LARGE1: variants seen among roughly 807,000 people sequenced by gnomAD.
LARGE1 encodes the protein xylosyl- and glucuronyltransferase LARGE1.
Under a neutral mutation model 87.6 loss-of-function variants are expected in LARGE1, and 43 were observed. That is an observed-to-expected ratio of 0.49 (90% CI 0.38 to 0.63). The LOEUF is 0.63. Among genes scored for constraint, LARGE1 ranks in the 30% least tolerant of loss-of-function variants. The pLI, the probability that LARGE1 is intolerant of heterozygous loss-of-function variation, is 0.00. For missense variants in LARGE1, 802 were observed against 1,000.2 expected (o/e 0.80, Z 2.67); for synonymous variants, 434 against 394.6 (o/e 1.10, Z -1.18).
At chr22:33,481,009 C>A (rs116362742) in intron 6 of LARGE1, among the ~76,000 whole-genome samples, 1,941 of 151,752 alleles carry the variant, frequency 0.013, 34 homozygotes, top group African/African-American at 0.045. Flanking sequence ...TCAAAATTTC[C>A]TCATCATAAA....
chr22:33,339,154 T>TAAAAA (rs1182760420), intron 9 of LARGE1, among the ~76,000 whole-genome samples: 2 of 98,994 alleles, frequency 2.0e-5, no homozygotes, highest in African/African-American at 3.4e-5. Flanking sequence ...TCTCAAAAAA[T>TAAAAA]AAAAAAAAAA....
At chr22:33,784,599 TA>T (rs745751312) in intron 1 of LARGE1, among the ~76,000 whole-genome samples, 4 of 152,168 alleles carry the variant, frequency 2.6e-5, no homozygotes, top group Non-Finnish European at 5.9e-5. Context: ...GCAAGATCAA[TA>T]ATGTATTGAA....
At chr22:33,875,494 A>C (rs1053153509) in intron 1 of LARGE1, among the ~76,000 whole-genome samples, 1 of 152,088 alleles carries the variant, frequency 6.6e-6, no homozygotes, top group South Asian at 2.1e-4. Flanking sequence ...GCCCATCTCC[A>C]ACCATGCCAA....
At chr22:33,381,140 G>T (rs2065142120) in intron 9 of LARGE1, among the ~76,000 whole-genome samples, 1 of 152,130 alleles carries the variant, frequency 6.6e-6, no homozygotes. Flanking sequence ...CATCTAAGTT[G>T]CCCCAGTCAC....
chr22:33,617,267 G>C (rs1238256135), intron 4 of LARGE1, among the ~76,000 whole-genome samples: 1 of 152,192 alleles, frequency 6.6e-6, no homozygotes, highest in African/African-American at 2.4e-5. Flanking sequence ...CTTTATATGC[G>C]TGACTTCTGA....
chr22:33,171,947 CA>C (rs1473832590), intron 11 of LARGE1, among the ~76,000 whole-genome samples: 1 of 152,226 alleles, frequency 6.6e-6, no homozygotes, highest in Admixed American at 6.5e-5. Context: ...ACACCACAGG[CA>C]CTCAATGCCA....
intron 1 of LARGE1, among the ~76,000 whole-genome samples, chr22:33,770,253 T>A (rs1216221437): frequency 6.6e-6 from 1 of 152,260 alleles, no homozygotes; most frequent in Non-Finnish European, 1.5e-5. Context: ...TCAGATCATT[T>A]GTTTGAAGAT....
rs369006581 is a variant in LARGE1, at chr22:33,335,127, G to A, written c.1287+2519C>T. On this transcript the variant is annotated intron_variant, in intron 10 of 14. Coordinates refer to ENST00000397394, the MANE Select transcript of LARGE1 (RefSeq NM_133642.5). ...TTCTCCATGGAGGGGGGAAATAAACGAGGTAGGAGAACAGTTTCCATTTAA... is the reference window on the plus strand; with the variant it reads ...TTCTCCATGGAGGGGGGAAATAAACAAGGTAGGAGAACAGTTTCCATTTAA... Among the ~76,000 whole-genome samples the A allele has an allele frequency of 3.8e-4, 58 of 152,338 alleles. No individual in the cohort carries two copies. The South Asian group carries it at 4.8e-3, about 13-fold the overall frequency.
chr22:33,694,603 T>C (rs2082188926), intron 2 of LARGE1, among the ~76,000 whole-genome samples: 1 of 152,222 alleles, frequency 6.6e-6, no homozygotes, highest in Admixed American at 6.5e-5. Flanking sequence ...CATCTTCAAC[T>C]TTTTGGCCAC....
At chr22:33,677,586 C>G (rs997859681) in intron 2 of LARGE1, among the ~76,000 whole-genome samples, 1 of 152,226 alleles carries the variant, frequency 6.6e-6, no homozygotes, top group South Asian at 2.1e-4. Context: ...CCACCATGGC[C>G]CTCAGTCAGA....
chr22:33,776,586 C>T (rs1303902651), intron 1 of LARGE1, among the ~76,000 whole-genome samples: 2 of 152,126 alleles, frequency 1.3e-5, no homozygotes, highest in African/African-American at 2.4e-5. Flanking sequence ...TGGAGTATTT[C>T]GATCTTTGTT....
At chr22:33,707,260 C>A (rs1457692554) in intron 2 of LARGE1, among the ~76,000 whole-genome samples, 3 of 152,232 alleles carry the variant, frequency 2.0e-5, no homozygotes, top group Non-Finnish European at 4.4e-5. Flanking sequence ...GCCACACCTG[C>A]CCCCTGGCAC....
chr22:33,438,729 G>A (rs948311530), intron 6 of LARGE1, among the ~76,000 whole-genome samples: 2 of 152,182 alleles, frequency 1.3e-5, no homozygotes, highest in Admixed American at 6.5e-5. Context: ...CGTCCATTGG[G>A]TATAAAGAAG....
At chr22:33,845,792 C>T (rs2063412673) in intron 1 of LARGE1, among the ~76,000 whole-genome samples, 1 of 152,216 alleles carries the variant, frequency 6.6e-6, no homozygotes, top group African/African-American at 2.4e-5. Context: ...TCCTCTCTAA[C>T]CTACTCATTC....
intron 1 of LARGE1, among the ~76,000 whole-genome samples, chr22:33,905,009 C>T (rs2065399572): frequency 6.7e-6 from 1 of 148,458 alleles, no homozygotes; most frequent in Non-Finnish European, 1.5e-5. Context: ...CTCCAAACTT[C>T]AGTATCTGAG....
At chr22:33,654,978 G>A (rs2080921085) in intron 2 of LARGE1, among the ~76,000 whole-genome samples, 1 of 152,186 alleles carries the variant, frequency 6.6e-6, no homozygotes, top group African/African-American at 2.4e-5. Flanking sequence ...CGTTAATCAA[G>A]ACTATTGATC....
chr22:33,749,341 C>T (rs1278171332), intron 2 of LARGE1, among the ~76,000 whole-genome samples: 1 of 152,252 alleles, frequency 6.6e-6, no homozygotes, highest in Admixed American at 6.5e-5. Flanking sequence ...CTCGAACTCC[C>T]GACCTCAGGT....
intron 9 of LARGE1, among the ~76,000 whole-genome samples, chr22:33,354,607 AAATT>A (rs1940717558): frequency 6.6e-6 from 1 of 152,264 alleles, no homozygotes; most frequent in African/African-American, 2.4e-5. Flanking sequence ...AATATTTAAT[AAATT>A]ATCAAAAGCA....
chr22:33,706,350 C>A (rs1483413398), intron 2 of LARGE1, among the ~76,000 whole-genome samples: 1 of 152,188 alleles, frequency 6.6e-6, no homozygotes. Flanking sequence ...GGCCTGAGAA[C>A]AGAGGGAAAG....
Sources: allele counts gnomAD v4.1 joint callset (sites outside exome capture counted in the v4.1 genomes callset), GRCh38; gene constraint gnomAD v4.1.1; transcripts MANE v1.5; gene names NCBI Gene and HGNC (gene_info 2026-07-23, HGNC 2026-07-21).